The following TDRD9 variants were observed in gnomAD, a reference collection of about 807,000 sequenced individuals.
TDRD9 encodes ATP-dependent RNA helicase TDRD9.
In TDRD9, 124 loss-of-function variants were observed where a neutral mutation model predicts 172.6. The observed-to-expected ratio is 0.72, with a 90% CI of 0.62 to 0.83. The LOEUF (loss-of-function observed/expected upper bound fraction) is 0.83, where lower values mean the gene tolerates loss of function less well. Ranked by LOEUF, TDRD9 falls within the 40% of genes least tolerant of loss-of-function variation. The pLI is 0.00. For missense variants in TDRD9, 1,479 were observed against 1,714.1 expected (o/e 0.86, Z 2.42); for synonymous variants, 619 against 617.1 (o/e 1.00, Z -0.05).
chr14:103,952,033 G>T (rs2031901769), intron 1 of TDRD9, among the ~76,000 whole-genome samples: 1 of 150,644 alleles, frequency 6.6e-6, no homozygotes, highest in Non-Finnish European at 1.5e-5. Context: ...CTCCCAAAGT[G>T]CTGGGATTAC....
At chr14:103,986,347 A>G (rs772845200) in intron 8 of TDRD9, 27 bp downstream of exon 8, 1 of 1,476,624 alleles carries the variant, frequency 6.8e-7, no homozygotes, top group Non-Finnish European at 9.3e-7. Flanking sequence ...TTGGTAATGC[A>G]CTTTAATGTA....
intron 27 of TDRD9, 96 bp from the exon 28 acceptor site, chr14:104,026,583 G>A: frequency 7.3e-7 from 1 of 1,360,932 alleles, no homozygotes; most frequent in South Asian, 1.4e-5. Flanking sequence ...GAATATTATT[G>A]AAGGTACATG....
intron 7 of TDRD9, among the ~76,000 whole-genome samples, chr14:103,983,772 A>G (rs538628482): frequency 3.3e-5 from 5 of 152,330 alleles, no homozygotes; most frequent in African/African-American, 1.2e-4. Context: ...TTTGGAACTG[A>G]GTAACAAGGC....
intron 6 of TDRD9, among the ~76,000 whole-genome samples, chr14:103,975,014 C>G (rs2033179736): frequency 6.6e-6 from 1 of 152,048 alleles, no homozygotes; most frequent in African/African-American, 2.4e-5. Context: ...TCAAGTGGTC[C>G]TCCTGCCTCA....
chr14:103,989,820 C>T (rs943847342), intron 8 of TDRD9, among the ~76,000 whole-genome samples: 79 of 152,344 alleles, frequency 5.2e-4, no homozygotes, highest in South Asian at 6.2e-4. Flanking sequence ...CGTTTTCCAA[C>T]CCTGGAGGGA....
At chr14:103,978,105 G>A (rs566755639) in intron 7 of TDRD9, among the ~76,000 whole-genome samples, 9 of 152,184 alleles carry the variant, frequency 5.9e-5, no homozygotes, top group Admixed American at 2.6e-4. Flanking sequence ...TAGGTAATGT[G>A]ATGCCTCTTG....
At chr14:104,014,231 C>CA (rs370386257) in intron 20 of TDRD9, among the ~76,000 whole-genome samples, 11 of 103,134 alleles carry the variant, frequency 1.1e-4, no homozygotes, top group African/African-American at 3.3e-4. Context: ...GAGACTGTCT[C>CA]AAAAAAAAAA....
chr14:104,027,707 A>G (rs1240315031), intron 28 of TDRD9, among the ~76,000 whole-genome samples: 1 of 152,184 alleles, frequency 6.6e-6, no homozygotes, highest in East Asian at 1.9e-4. Flanking sequence ...TTGTGTTGTA[A>G]ACATTCAAGA....
At chr14:103,953,192 T>C (rs979131978) in intron 1 of TDRD9, among the ~76,000 whole-genome samples, 6 of 152,144 alleles carry the variant, frequency 3.9e-5, no homozygotes, top group African/African-American at 1.4e-4. Context: ...CCAAAATCTT[T>C]ATAATTACTC....
chr14:104,043,954 G>C (rs150987781), intron 34 of TDRD9, among the ~76,000 whole-genome samples: 22 of 152,306 alleles, frequency 1.4e-4, no homozygotes, highest in Non-Finnish European at 2.5e-4. Flanking sequence ...CACAGCCTGT[G>C]GGGGGCTCGT....
rs375527541 is a variant in TDRD9, at chr14:103,969,874, G to C, written c.766-667G>C. On this transcript the variant is annotated intron_variant, in intron 5 of 35. Coordinates refer to ENST00000409874, the MANE Select transcript of TDRD9 (RefSeq NM_153046.3). ...GGGTGGCTCTGACTGTGAGGTCTCT[G>C]TCTGAGGAGGGCTGCAAGGTCTGTC... Among the ~76,000 whole-genome samples, 176 of 152,246 alleles carry C rather than the reference G, an allele frequency of 1.2e-3. 7 individuals carry two copies. The East Asian group carries it at 0.026, about 22-fold the overall frequency.
At chr14:103,959,749 C>T (rs2032422257) in intron 2 of TDRD9, among the ~76,000 whole-genome samples, 1 of 152,132 alleles carries the variant, frequency 6.6e-6, no homozygotes, top group Admixed American at 6.5e-5. Context: ...CTATCGATTA[C>T]AGTAGAATCA....
intron 1 of TDRD9, among the ~76,000 whole-genome samples, chr14:103,951,870 C>T (rs1668546039): frequency 2.6e-5 from 4 of 151,452 alleles, no homozygotes; most frequent in Admixed American, 2.0e-4. Context: ...GAGTTCACGC[C>T]GTTCTCCTGC....
chr14:104,011,182 T>C (rs1480485929), intron 20 of TDRD9, among the ~76,000 whole-genome samples: 11 of 152,228 alleles, frequency 7.2e-5, no homozygotes. Flanking sequence ...GAATACATGA[T>C]GGATTTCCCA....
chr14:104,017,973 A>G, intron 22 of TDRD9, 119 bp from the exon 23 acceptor site: 1 of 650,466 alleles, frequency 1.5e-6, no homozygotes, highest in East Asian at 2.8e-5. Context: ...ATTATGGTTA[A>G]AGATAGTAAA....
At chr14:103,995,540 T>G (rs1006695353) in intron 11 of TDRD9, among the ~76,000 whole-genome samples, 2 of 152,226 alleles carry the variant, frequency 1.3e-5, no homozygotes, top group Non-Finnish European at 2.9e-5. Flanking sequence ...TGTTAAAGCC[T>G]TTGCTGTGTT....
chr14:103,970,023 CT>C (rs1419227025), intron 5 of TDRD9, among the ~76,000 whole-genome samples: 1 of 152,166 alleles, frequency 6.6e-6, no homozygotes, highest in Non-Finnish European at 1.5e-5. Flanking sequence ...CTTGCCCACC[CT>C]TGTGAGCTGC....
chr14:103,968,794 T>TAAAAAAAAAAAAAAAAA (rs1475595274), intron 5 of TDRD9, among the ~76,000 whole-genome samples: 50 of 2,046 alleles, frequency 0.024, no homozygotes, highest in South Asian at 0.12. Flanking sequence ...AGACTCTGTC[T>TAAAAAAAAAAAAAAAAA]CAAAAAAAAA....
intron 34 of TDRD9, among the ~76,000 whole-genome samples, chr14:104,049,040 A>G (rs2035862773): frequency 6.6e-6 from 1 of 151,206 alleles, no homozygotes; most frequent in African/African-American, 2.4e-5. Context: ...ATGCTTCTCA[A>G]CTTGTTGTTT....
Sources: gnomAD v4.1 joint callset for allele counts (sites outside exome capture counted in the v4.1 genomes callset) on GRCh38, gnomAD v4.1.1 for gene constraint, MANE v1.5 for transcripts, NCBI Gene and HGNC (gene_info 2026-07-23, HGNC 2026-07-21) for gene names.